CTNND2: variants seen among roughly 807,000 people sequenced by gnomAD.
CTNND2 encodes catenin delta-2.
A neutral mutation model predicts 144.4 loss-of-function variants in CTNND2; 22 were observed. That is an observed-to-expected ratio of 0.15 (90% CI 0.11 to 0.22). The LOEUF is 0.22. Among genes scored for constraint, CTNND2 ranks in the 10% least tolerant of loss-of-function variants. The pLI is 1.00. For synonymous variants in CTNND2, 751 were observed against 695.6 expected (o/e 1.08, Z -1.25); for missense variants, 1,353 against 1,618.8 (o/e 0.84, Z 2.82).
intron 1 of CTNND2, among the ~76,000 whole-genome samples, chr5:11,772,895 T>G (rs890706369): frequency 1.3e-5 from 2 of 152,232 alleles, no homozygotes; most frequent in African/African-American, 2.4e-5. Context: ...CAACTCAAAT[T>G]TGTTATGGTT....
chr5:11,789,433 TA>T (rs1791019676), intron 1 of CTNND2, among the ~76,000 whole-genome samples: 1 of 152,176 alleles, frequency 6.6e-6, no homozygotes, highest in Non-Finnish European at 1.5e-5. Flanking sequence ...ATTTATCTCC[TA>T]AAAAGTTTTG....
At chr5:11,461,033 A>T (rs1766171296) in intron 3 of CTNND2, among the ~76,000 whole-genome samples, 1 of 149,728 alleles carries the variant, frequency 6.7e-6, no homozygotes, top group Non-Finnish European at 1.5e-5. Context: ...ACAGAGCGAG[A>T]CTCTGGAAAA....
chr5:11,135,443 A>C (rs1756033284), intron 12 of CTNND2, among the ~76,000 whole-genome samples: 1 of 91,998 alleles, frequency 1.1e-5, no homozygotes, highest in South Asian at 3.2e-4. Flanking sequence ...AAAGTTACAG[A>C]AGAAACAGTG....
At position 11,375,923 on chromosome 5, in the gene CTNND2, C is replaced by T. The variant is rs145072900; in HGVS notation, c.1177+8742G>A. ...GGTCTAAATGTTTGTGCTCTCCTCGCCCCCCGATTATGTTGAAAGCTAACA... is the reference window on the plus strand; with the variant it reads ...GGTCTAAATGTTTGTGCTCTCCTCGTCCCCCGATTATGTTGAAAGCTAACA... On this transcript the variant is annotated intron_variant, in intron 7 of 21. Coordinates refer to ENST00000304623, the MANE Select transcript of CTNND2 (RefSeq NM_001332.4). Among the ~76,000 whole-genome samples, 1,251 of 152,102 alleles carry T rather than the reference C, an allele frequency of 8.2e-3. 16 individuals are homozygous for T. Among genetic ancestry groups the T allele is most frequent in the African/African-American group, 0.028 (1,142 of 41,428 alleles).
chr5:11,162,434 G>C (rs1182869564), intron 11 of CTNND2, among the ~76,000 whole-genome samples: 1 of 152,118 alleles, frequency 6.6e-6, no homozygotes. Context: ...TCCTTAATTA[G>C]TTAATTAGTG....
chr5:11,576,139 T>C (rs1420316840), intron 2 of CTNND2, among the ~76,000 whole-genome samples: 1 of 152,104 alleles, frequency 6.6e-6, no homozygotes, highest in African/African-American at 2.4e-5. Context: ...GATGCACTAA[T>C]ACCACTCCAG....
intron 11 of CTNND2, 113 bp downstream of exon 11, chr5:11,199,335 G>A (rs377398468): frequency 1.3e-5 from 12 of 908,708 alleles, no homozygotes; most frequent in East Asian, 5.3e-5. Context: ...TATTGAGACC[G>A]CCTATGTTAT....
chr5:11,546,728 A>G (rs922322847), intron 3 of CTNND2, among the ~76,000 whole-genome samples: 1 of 152,216 alleles, frequency 6.6e-6, no homozygotes, highest in Non-Finnish European at 1.5e-5. Flanking sequence ...ATAACATTTG[A>G]GAAGAATTAA....
At chr5:11,408,643 T>C (rs16901605) in intron 5 of CTNND2, among the ~76,000 whole-genome samples, 5,718 of 152,198 alleles carry the variant, frequency 0.038, 351 homozygotes, top group African/African-American at 0.13. Context: ...ATAAAGTGAC[T>C]AATCTTTCTG....
intron 2 of CTNND2, among the ~76,000 whole-genome samples, chr5:11,608,503 T>C (rs541330433): frequency 6.6e-6 from 1 of 152,288 alleles, no homozygotes; most frequent in South Asian, 2.1e-4. Context: ...AGCAACCCAG[T>C]TGTAGGGAAC....
chr5:11,511,231 A>G (rs867692880), intron 3 of CTNND2, among the ~76,000 whole-genome samples: 1 of 152,220 alleles, frequency 6.6e-6, no homozygotes, highest in African/African-American at 2.4e-5. Context: ...TTAAGAAAAA[A>G]TATCTAACAT....
intron 9 of CTNND2, among the ~76,000 whole-genome samples, chr5:11,259,272 C>G (rs772883266): frequency 2.0e-5 from 3 of 152,144 alleles, no homozygotes; most frequent in East Asian, 1.9e-4. Flanking sequence ...TTCTCCCTCT[C>G]TGTGTGTATA....
rs142435687 is a variant in CTNND2 at position 11,787,104 on chromosome 5, G to A, written c.38-54832C>T. On this transcript the variant is annotated intron_variant, in intron 1 of 21. Transcript: ENST00000304623. ...TAATATAAAAACTTCTGGACTATGC[G>A]ATAGTGGACAAGTTATTAAAGTCCC... Among the ~76,000 whole-genome samples the A allele has an allele frequency of 1.3e-3, 192 of 152,288 alleles. 1 individual carries two copies. In the Middle Eastern group the frequency reaches 0.027, roughly 22 times the overall value.
At chr5:11,254,750 C>T (rs1489928454) in intron 9 of CTNND2, among the ~76,000 whole-genome samples, 1 of 152,156 alleles carries the variant, frequency 6.6e-6, no homozygotes, top group Non-Finnish European at 1.5e-5. Flanking sequence ...ACAGGTGTCA[C>T]CCTTACTTTT....
At chr5:11,379,384 G>A (rs1381183122) in intron 7 of CTNND2, among the ~76,000 whole-genome samples, 4 of 152,088 alleles carry the variant, frequency 2.6e-5, no homozygotes, top group Admixed American at 1.3e-4. Flanking sequence ...GGGTCAAAGC[G>A]ACGTAGGTTC....
At chr5:11,688,814 G>A (rs1784772153) in intron 2 of CTNND2, among the ~76,000 whole-genome samples, 1 of 152,158 alleles carries the variant, frequency 6.6e-6, no homozygotes, top group Non-Finnish European at 1.5e-5. Context: ...GCGAGCTGAA[G>A]CAAGGCAGAA....
intron 2 of CTNND2, among the ~76,000 whole-genome samples, chr5:11,573,421 C>T (rs1242414922): frequency 1.3e-5 from 2 of 152,096 alleles, no homozygotes; most frequent in African/African-American, 4.8e-5. Context: ...TCTACAGCCA[C>T]GTCTCTTGGC....
chr5:11,308,877 T>C (rs1047787085), intron 9 of CTNND2, among the ~76,000 whole-genome samples: 10 of 152,230 alleles, frequency 6.6e-5, no homozygotes, highest in Admixed American at 2.0e-4. Context: ...ACAGAAAGCA[T>C]GGCTGGGGAG....
At chr5:11,079,443 G>T (rs920942546) in intron 16 of CTNND2, among the ~76,000 whole-genome samples, 1 of 152,176 alleles carries the variant, frequency 6.6e-6, no homozygotes, top group African/African-American at 2.4e-5. Flanking sequence ...GGCCTGTGGG[G>T]ACTGTGTCAT....
Sources: allele counts gnomAD v4.1 joint callset (sites outside exome capture counted in the v4.1 genomes callset), GRCh38; gene constraint gnomAD v4.1.1; transcripts MANE v1.5; gene names NCBI Gene and HGNC (gene_info 2026-07-23, HGNC 2026-07-21).